CTNNA2: variants seen among roughly 807,000 people sequenced by gnomAD.
CTNNA2 encodes catenin alpha 2.
CTNNA2 carries 42 observed loss-of-function variants against 101.0 expected under a neutral mutation model. That is an observed-to-expected ratio of 0.42 (90% CI 0.32 to 0.54). The LOEUF is 0.54. Among genes scored for constraint, CTNNA2 ranks in the 20% least tolerant of loss-of-function variants. The pLI, the probability that CTNNA2 is intolerant of heterozygous loss-of-function variation, is 0.14. For missense variants in CTNNA2, 871 were observed against 1,223.1 expected (o/e 0.71, Z 4.29); for synonymous variants, 450 against 456.4 (o/e 0.99, Z 0.18).
At chr2:80,473,856 T>G (rs888112130) in intron 9 of CTNNA2, among the ~76,000 whole-genome samples, 1 of 152,222 alleles carries the variant, frequency 6.6e-6, no homozygotes, top group Admixed American at 6.5e-5. Flanking sequence ...GTTTGTTTTT[T>G]GTCTTTGTGT....
Position 80,259,987 on chromosome 2 carries a change from C to A in CTNNA2, c.1057-133224C>A, listed in dbSNP as rs1159314485. ...TAAGAATAACTGCCACCTCGTGAGC[C>A]CTTAACTATGTTCCAGGTACTGTGT... On this transcript the variant is annotated intron_variant, in intron 7 of 18. Transcript: ENST00000402739. Among the ~76,000 whole-genome samples the A allele has an allele frequency of 2.0e-5, 3 of 152,132 alleles. No individual in the cohort carries two copies. The East Asian group carries it at 5.8e-4, about 29-fold the overall frequency.
In CTNNA2 at chr2:80,368,037, A is replaced by G. The variant is rs183988697; in HGVS notation, c.1057-25174A>G. 1.7e-3 allele frequency among the ~76,000 whole-genome samples: 259 copies of G among 152,292 alleles called. 1 individual carries two copies. Among genetic ancestry groups the G allele is most frequent in the African/African-American group, 5.6e-3 (234 of 41,570 alleles). On this transcript the variant is annotated intron_variant, in intron 7 of 18. Transcript: ENST00000402739. ...AAATGCATGCAAAAAATGACTTCTGAAAGCTTGACACATTCATAGAAAGAT... is the reference window on the plus strand; with the variant it reads ...AAATGCATGCAAAAAATGACTTCTGGAAGCTTGACACATTCATAGAAAGAT...
intron 7 of CTNNA2, among the ~76,000 whole-genome samples, chr2:80,173,919 A>T (rs548820703): frequency 6.6e-6 from 1 of 151,804 alleles, no homozygotes; most frequent in African/African-American, 2.4e-5. Flanking sequence ...GGAAGAAAAG[A>T]CTCTTCTTCT....
chr2:80,578,896 T>C (rs1022704483), intron 13 of CTNNA2: 1 of 151,106 alleles, frequency 6.6e-6, no homozygotes, highest in African/African-American at 2.5e-5. Context: ...TTATTATTGC[T>C]GTTGTTGTTA....
intron 7 of CTNNA2, among the ~76,000 whole-genome samples, chr2:79,954,099 G>A (rs765028382): frequency 6.6e-6 from 1 of 152,104 alleles, no homozygotes; most frequent in Non-Finnish European, 1.5e-5. Context: ...GGGAAGCAAG[G>A]CACCTCCTTC....
Position 79,657,223 on chromosome 2 carries a change from A to C in CTNNA2, c.102+5565A>C. Among the ~76,000 whole-genome samples the C allele has an allele frequency of 1.3e-5, 2 of 151,868 alleles. 1 individual carries two copies. The highest frequency in any genetic ancestry group is 2.9e-5 in the Non-Finnish European group (2 of 67,838). Reference sequence around the variant, plus strand: ...CACAAATTATGGAAAATATATAAAGAAAGAATATATAAAATTGTAAATGAG... The same window carrying C: ...CACAAATTATGGAAAATATATAAAGCAAGAATATATAAAATTGTAAATGAG... On this transcript the variant is annotated intron_variant, in intron 2 of 18. Transcript: ENST00000402739.
At chr2:79,558,689 A>G (rs962747947) in intron 1 of CTNNA2, among the ~76,000 whole-genome samples, 3 of 151,906 alleles carry the variant, frequency 2.0e-5, no homozygotes, top group Non-Finnish European at 4.4e-5. Flanking sequence ...GAGATAGTAT[A>G]GGGAAAGTCT....
At chr2:79,218,750 T>C (rs1558577351) in intron 2 of CTNNA2, among the ~76,000 whole-genome samples, 2 of 152,180 alleles carry the variant, frequency 1.3e-5, no homozygotes, top group Non-Finnish European at 2.9e-5. Flanking sequence ...ATAATAATTA[T>C]GCATAATTAT....
At position 80,081,875 on chromosome 2, in the gene CTNNA2, T is replaced by C. The variant is rs186480403; in HGVS notation, c.1056+172078T>C. On this transcript the variant is annotated intron_variant, in intron 7 of 18. Coordinates refer to ENST00000402739, the MANE Select transcript of CTNNA2 (RefSeq NM_001282597.3). ...GAAGCACTTTTATTAGCTGAGGAAA[T>C]AATTAATACCAAATCCATATTTGAA... Among the ~76,000 whole-genome samples, 8 of 152,176 alleles carry C rather than the reference T, an allele frequency of 5.3e-5. No individual in the cohort carries two copies. In the East Asian group the frequency reaches 1.5e-3, roughly 29 times the overall value.
intron 7 of CTNNA2, among the ~76,000 whole-genome samples, chr2:80,097,826 G>A (rs959854776): frequency 2.6e-5 from 4 of 152,108 alleles, no homozygotes; most frequent in African/African-American, 4.8e-5. Context: ...CATTCGTCAC[G>A]TAGTTCTCGT....
chr2:79,213,734 C>T (rs980982763), intron 2 of CTNNA2, among the ~76,000 whole-genome samples: 4 of 152,014 alleles, frequency 2.6e-5, no homozygotes, highest in Non-Finnish European at 5.9e-5. Context: ...GATTGAAGTC[C>T]GGGCAAGGAA....
Position 79,714,553 on chromosome 2 carries a change from G to A in CTNNA2, c.103-29834G>A, listed in dbSNP as rs576536334. On this transcript the variant is annotated intron_variant, in intron 2 of 18. Coordinates refer to ENST00000402739, the MANE Select transcript of CTNNA2 (RefSeq NM_001282597.3). ...CTTTCCTATCAATGTACAGGCAAAT[G>A]TGCATTCCATGTGTGTCTCAATGCC... is the stretch of plus-strand genomic sequence containing the variant. Among the ~76,000 whole-genome samples, 21 of 152,296 alleles carry A rather than the reference G, an allele frequency of 1.4e-4. 2 individuals are homozygous for A. In the South Asian group the frequency reaches 4.1e-3, roughly 30 times the overall value.
chr2:79,564,704 T>C (rs192555727), intron 1 of CTNNA2, among the ~76,000 whole-genome samples: 50 of 152,318 alleles, frequency 3.3e-4, no homozygotes, highest in African/African-American at 1.2e-3. Flanking sequence ...TTTTCTCAAG[T>C]GTGCCTGAAT....
At chr2:79,351,763 A>C (rs1027024084) in intron 3 of CTNNA2, among the ~76,000 whole-genome samples, 1 of 152,272 alleles carries the variant, frequency 6.6e-6, no homozygotes, top group East Asian at 1.9e-4. Context: ...CAAAGGACTT[A>C]ATTTTATACT....
intron 3 of CTNNA2, among the ~76,000 whole-genome samples, chr2:79,336,918 G>A (rs1242039730): frequency 6.6e-6 from 1 of 152,132 alleles, no homozygotes; most frequent in Non-Finnish European, 1.5e-5. Flanking sequence ...GGTGTCCATG[G>A]GGTGTGACCA....
intron 3 of CTNNA2, among the ~76,000 whole-genome samples, chr2:79,326,508 A>C (rs536317061): frequency 1.7e-3 from 253 of 152,234 alleles, no homozygotes; most frequent in African/African-American, 5.9e-3. Flanking sequence ...ATTCAGGAAA[A>C]GTTACAAAGG....
chr2:80,382,263 C>T (rs1362657543), intron 7 of CTNNA2, among the ~76,000 whole-genome samples: 3 of 151,928 alleles, frequency 2.0e-5, no homozygotes, highest in Non-Finnish European at 2.9e-5. Flanking sequence ...TGCTTAGCAC[C>T]GATTCTGTGT....
chr2:79,544,579 C>G (rs751424436), intron 1 of CTNNA2, among the ~76,000 whole-genome samples: 13 of 151,990 alleles, frequency 8.6e-5, no homozygotes, highest in Non-Finnish European at 1.3e-4. Flanking sequence ...TGAAAATAAG[C>G]TTTTTATGAA....
chr2:79,693,905 C>G (rs1357601216), intron 2 of CTNNA2, among the ~76,000 whole-genome samples: 3 of 151,898 alleles, frequency 2.0e-5, no homozygotes, highest in Admixed American at 6.6e-5. Context: ...TAGAGCATCC[C>G]TAAAGCCTAC....
Sources: allele counts gnomAD v4.1 joint callset (sites outside exome capture counted in the v4.1 genomes callset), GRCh38; gene constraint gnomAD v4.1.1; transcripts MANE v1.5; gene names NCBI Gene and HGNC (gene_info 2026-07-23, HGNC 2026-07-21).